Variants in VWA3B observed in about 807,000 individuals in gnomAD.
VWA3B encodes the protein von Willebrand factor A domain-containing protein 3B.
Under a neutral mutation model 158.3 loss-of-function variants are expected in VWA3B, and 138 were observed. The observed-to-expected ratio is 0.87, with a 90% CI of 0.76 to 1.00. VWA3B has a LOEUF of 1.00. VWA3B is among the 50% of genes least tolerant of loss of function. The probability of loss-of-function intolerance (pLI) is 0.00; values close to 1 mark genes in which losing one functional copy is unlikely to be tolerated. For synonymous variants in VWA3B, 596 were observed against 587.3 expected (o/e 1.01, Z -0.21); for missense variants, 1,555 against 1,565.1 (o/e 0.99, Z 0.11).
chr2:98,327,049 C>A, the VWA3B span, among the ~76,000 whole-genome samples: 1 of 150,858 alleles, frequency 6.6e-6, no homozygotes, highest in Non-Finnish European at 1.5e-5. Flanking sequence ...AATCCCAGCA[C>A]TTTGGGAAGC....
chr2:98,178,619 A>G (rs1183287536), intron 8 of VWA3B, among the ~76,000 whole-genome samples: 1 of 152,194 alleles, frequency 6.6e-6, no homozygotes, highest in Admixed American at 6.5e-5. Context: ...GCATCAGCTG[A>G]TGGGGTTACC....
At position 98,169,749 on chromosome 2, in the gene VWA3B, G is replaced by T. The variant is rs566271676; in HGVS notation, c.1114+6773G>T. Among the ~76,000 whole-genome samples, 456 of 151,774 alleles carry T rather than the reference G, an allele frequency of 3.0e-3. 2 individuals are homozygous for T. The highest frequency in any genetic ancestry group is 9.9e-3 in the African/African-American group (410 of 41,248). ...TGTGTGTGTGTGTGTGTGTGTGTGT[G>T]TGTGTGTGTGTGTCGGTGTGCCTGT... is the stretch of plus-strand genomic sequence containing the variant. On this transcript the variant is annotated intron_variant, in intron 8 of 27. Transcript: ENST00000477737.
intron 20 of VWA3B, among the ~76,000 whole-genome samples, chr2:98,253,531 G>A (rs984965387): frequency 6.6e-6 from 1 of 152,054 alleles, no homozygotes; most frequent in Non-Finnish European, 1.5e-5. Flanking sequence ...TTTTTCTGTT[G>A]CTTACTTTCA....
At position 98,217,877 on chromosome 2, in the gene VWA3B, G is replaced by A. The variant is rs200697836; in HGVS notation, c.1868G>A (p.Arg623His). The change falls in exon 14 of 28, where the codon CGT becomes CAT. Residue 623 changes from arginine (R) to histidine (H), a missense_variant. Coordinates refer to ENST00000477737, the MANE Select transcript of VWA3B (RefSeq NM_144992.5). ...GAAACAGTTATAGACCAGGTCAAAC[G>A]TTTTCAGGAAATTCCTATTTATACC... ...PPETVIDQVK[R>H]FQEIPIYTIS... The A allele has an allele frequency of 8.6e-5, 139 of 1,610,004 alleles. 2 individuals carry two copies. In the South Asian group the frequency reaches 1.4e-3, roughly 16 times the overall value.
chr2:98,271,204 G>C (rs779998818), intron 22 of VWA3B, among the ~76,000 whole-genome samples: 2 of 152,054 alleles, frequency 1.3e-5, no homozygotes, highest in African/African-American at 4.8e-5. Context: ...CATCTAACCT[G>C]TGTGTGATTT....
At chr2:98,281,915 G>C (rs1688899895) in intron 22 of VWA3B, among the ~76,000 whole-genome samples, 1 of 152,206 alleles carries the variant, frequency 6.6e-6, no homozygotes, top group African/African-American at 2.4e-5. Flanking sequence ...TGGCTTATTT[G>C]TTTGAGAGCT....
chr2:98,280,127 C>T lies in VWA3B; in HGVS notation c.3045+9244C>T, dbSNP rs117107665. ...GTATCAGGAACGCGAAATTACAAAT[C>T]CCAAGCTTTGGTGATTTCCAGATAT... On this transcript the variant is annotated intron_variant, in intron 22 of 27. Coordinates refer to ENST00000477737, the MANE Select transcript of VWA3B (RefSeq NM_144992.5). 2.4e-3 allele frequency among the ~76,000 whole-genome samples: 359 copies of T among 152,248 alleles called. 11 individuals are homozygous for T. In the East Asian group the frequency reaches 0.062, roughly 26 times the overall value.
intron 24 of VWA3B, among the ~76,000 whole-genome samples, chr2:98,299,813 C>T (rs1476337357): frequency 6.6e-6 from 1 of 152,200 alleles, no homozygotes. Flanking sequence ...CCAGAACCCT[C>T]ACCATCTTGC....
intron 23 of VWA3B, among the ~76,000 whole-genome samples, chr2:98,294,391 G>A (rs1257965004): frequency 2.0e-5 from 3 of 152,290 alleles, no homozygotes; most frequent in Admixed American, 6.5e-5. Context: ...GGATTGAGGC[G>A]TCCACTACAT....
rs539581219 is a variant in VWA3B at position 98,146,645 on chromosome 2, A to G, written c.988+12706A>G. On this transcript the variant is annotated intron_variant, in intron 7 of 27. Transcript: ENST00000477737. The stretch of plus-strand genomic sequence containing the variant: ...CACAGCCCTTTTGACCACTCTGGGT[A>G]CACATTCTCTGTGCTTTCTTCTGCA... 1.1e-3 allele frequency among the ~76,000 whole-genome samples: 167 copies of G among 152,320 alleles called. 2 individuals are homozygous for G. The highest frequency in any genetic ancestry group is 3.8e-3 in the African/African-American group (158 of 41,556).
intron 22 of VWA3B, among the ~76,000 whole-genome samples, chr2:98,286,968 T>G (rs1689198751): frequency 6.6e-6 from 1 of 151,902 alleles, no homozygotes; most frequent in African/African-American, 2.4e-5. Flanking sequence ...GAGAGAACAA[T>G]GGGATTTCAC....
chr2:98,329,115 G>A, the VWA3B span, among the ~76,000 whole-genome samples: 1 of 152,084 alleles, frequency 6.6e-6, no homozygotes, highest in Non-Finnish European at 1.5e-5. Flanking sequence ...ATGATAATTA[G>A]AAAAACTGGA....
chr2:98,192,380 A>G (rs1048786093), intron 10 of VWA3B: 9 of 160,102 alleles, frequency 5.6e-5, no homozygotes, highest in African/African-American at 2.2e-4. Flanking sequence ...AGATAAAGGA[A>G]AATTACAGTC....
chr2:98,262,189 G>A (rs1687528983), intron 21 of VWA3B, among the ~76,000 whole-genome samples: 1 of 151,648 alleles, frequency 6.6e-6, no homozygotes, highest in Non-Finnish European at 1.5e-5. Flanking sequence ...CCATTCTCAG[G>A]TTTATGATTT....
chr2:98,278,293 A>G (rs1311778060), intron 22 of VWA3B, among the ~76,000 whole-genome samples: 5 of 152,164 alleles, frequency 3.3e-5, no homozygotes, highest in Non-Finnish European at 7.3e-5. Context: ...TGCCGGCAGG[A>G]GCAGAACTCT....
intron 24 of VWA3B, among the ~76,000 whole-genome samples, chr2:98,298,427 CTATTCTATTCT>C (rs1558773753): frequency 5.1e-4 from 77 of 151,276 alleles, no homozygotes; most frequent in Admixed American, 1.9e-3. Flanking sequence ...CTATTCTATT[CTATTCTATTCT>C]ATTCTATGCC....
At chr2:98,292,499 A>G (rs1389733419) in intron 23 of VWA3B, among the ~76,000 whole-genome samples, 1 of 152,120 alleles carries the variant, frequency 6.6e-6, no homozygotes, top group Non-Finnish European at 1.5e-5. Context: ...GGATGATCGC[A>G]TAGGCTAAGG....
At chr2:98,238,187 G>A (rs1685827431) in intron 19 of VWA3B, among the ~76,000 whole-genome samples, 4 of 152,132 alleles carry the variant, frequency 2.6e-5, no homozygotes. Flanking sequence ...TGCTGGTTTG[G>A]GATGACCAGT....
chr2:98,250,254 A>G (rs1190371802), intron 19 of VWA3B, 64 bp from the exon 20 acceptor site: 25 of 1,227,498 alleles, frequency 2.0e-5, no homozygotes, highest in Non-Finnish European at 2.8e-5. Flanking sequence ...ATGTAGATGT[A>G]TTTTCGAAGG....
Sources: allele counts gnomAD v4.1 joint callset (sites outside exome capture counted in the v4.1 genomes callset), GRCh38; gene constraint gnomAD v4.1.1; transcripts MANE v1.5; gene names NCBI Gene and HGNC (gene_info 2026-07-23, HGNC 2026-07-21).